The following OSBPL3 variants were observed in gnomAD, a reference collection of about 807,000 sequenced individuals.
OSBPL3 encodes oxysterol-binding protein-related protein 3.
A neutral mutation model predicts 120.1 loss-of-function variants in OSBPL3; 65 were observed. That is an observed-to-expected ratio of 0.54 (90% CI 0.44 to 0.67). The LOEUF is 0.67. Ranked by LOEUF, OSBPL3 falls within the 30% of genes least tolerant of loss-of-function variation. The pLI, the probability that OSBPL3 is intolerant of heterozygous loss-of-function variation, is 0.00. For synonymous variants in OSBPL3, 416 were observed against 402.6 expected (o/e 1.03, Z -0.40); for missense variants, 1,004 against 1,082.1 (o/e 0.93, Z 1.01).
chr7:24,918,520 C>T lies in OSBPL3; in HGVS notation c.-149-25899G>A, dbSNP rs1304358769. On this transcript the variant is annotated intron_variant, in intron 1 of 22. Coordinates refer to ENST00000313367, the MANE Select transcript of OSBPL3 (RefSeq NM_015550.4). This position sits in a 1 kb window ranked among gnomAD's most constrained non-coding sequence, Gnocchi z 4.3. ...CATGAAAATCTTGTGGAAAATACCT[C>T]ATAATTAAATATTCACACAACTGTT... Among the ~76,000 whole-genome samples the T allele has an allele frequency of 6.6e-6, 1 of 152,190 alleles. No individual in the cohort carries two copies. Among genetic ancestry groups the T allele is most frequent in the African/African-American group, 2.4e-5 (1 of 41,448 alleles).
intron 14 of OSBPL3, among the ~76,000 whole-genome samples, chr7:24,838,456 A>T (rs945869230): frequency 2.0e-5 from 3 of 152,198 alleles, no homozygotes; most frequent in African/African-American, 7.2e-5. Context: ...AGATCGCACC[A>T]CTGCACTCCA....
rs1195672568 is a variant in OSBPL3, at chr7:24,922,844, G to A, written c.-149-30223C>T. Among the ~76,000 whole-genome samples the A allele has an allele frequency of 2.9e-4, 44 of 152,038 alleles. No individual in the cohort carries two copies. Among genetic ancestry groups the A allele is most frequent in the Non-Finnish European group, 2.9e-5 (2 of 68,028 alleles). ...TGAAAGTGACAGACCACCCTCTCAGGGAGAACCACAGGGCTAATTCTGATT... is the reference window on the plus strand; with the variant it reads ...TGAAAGTGACAGACCACCCTCTCAGAGAGAACCACAGGGCTAATTCTGATT... On this transcript the variant is annotated intron_variant, in intron 1 of 22. Coordinates refer to ENST00000313367, the MANE Select transcript of OSBPL3 (RefSeq NM_015550.4). This position sits in a 1 kb window ranked among gnomAD's most constrained non-coding sequence, Gnocchi z 4.3.
chr7:24,962,668 C>T (rs1212481684), intron 1 of OSBPL3, among the ~76,000 whole-genome samples: 2 of 152,156 alleles, frequency 1.3e-5, no homozygotes, highest in Non-Finnish European at 2.9e-5. Flanking sequence ...ACAGAGAAAG[C>T]CTGCTTGAGA....
intron 14 of OSBPL3, among the ~76,000 whole-genome samples, chr7:24,838,133 G>C (rs1797242815): frequency 6.6e-6 from 1 of 152,104 alleles, no homozygotes; most frequent in South Asian, 2.1e-4. Flanking sequence ...AAGAACTAGG[G>C]GACACACATT....
chr7:24,929,300 G>A lies in OSBPL3; in HGVS notation c.-149-36679C>T, dbSNP rs576845052. Among the ~76,000 whole-genome samples the A allele has an allele frequency of 2.6e-4, 39 of 152,270 alleles. No individual in the cohort carries two copies. In the Middle Eastern group the frequency reaches 0.014, roughly 53 times the overall value. On this transcript the variant is annotated intron_variant, in intron 1 of 22. Coordinates refer to ENST00000313367, the MANE Select transcript of OSBPL3 (RefSeq NM_015550.4). ...AGGCAATGTGGTATACTGAAAGGTC[G>A]CTGGATCAGGGTCGTTGTCGTAAAT...
Position 24,922,933 on chromosome 7 carries a change from A to G in OSBPL3, c.-149-30312T>C, listed in dbSNP as rs571237573. 9.1e-4 allele frequency among the ~76,000 whole-genome samples: 76 copies of G among 83,412 alleles called. No individual in the cohort carries two copies. Among genetic ancestry groups the G allele is most frequent in the African/African-American group, 2.6e-3 (69 of 26,868 alleles). The allele number at this position is 83,412 out of a possible 152,430, so 54.7% of individuals were successfully genotyped here. A position where few individuals can be genotyped will look rare whatever the true frequency, so the allele number is the denominator to read the frequency against. On this transcript the variant is annotated intron_variant, in intron 1 of 22. Transcript: ENST00000313367. The surrounding 1 kb of genome is among the most constrained non-coding windows in gnomAD (Gnocchi z 4.3). ...CAAACAAAAAAGCAAGTTTGCTTACAGTTTTGGCAGTCGAAGAAAAAAAGG... is the reference window on the plus strand; with the variant it reads ...CAAACAAAAAAGCAAGTTTGCTTACGGTTTTGGCAGTCGAAGAAAAAAAGG...
chr7:24,804,303 C>T lies in OSBPL3; in HGVS notation c.2567+12G>A. 6.2e-7 allele frequency: 1 copy of T among 1,614,112 alleles called. No individual in the cohort carries two copies. On this transcript the variant is annotated intron_variant, in intron 22 of 22. Coordinates refer to ENST00000313367, the MANE Select transcript of OSBPL3 (RefSeq NM_015550.4). The surrounding 1 kb of genome is among the most constrained non-coding windows in gnomAD (Gnocchi z 5.4). ...CCTATCAACCAAAAACCTACTCAAT[C>T]CAGGCACGAACCTGAAAAACCGAGG...
intron 1 of OSBPL3, among the ~76,000 whole-genome samples, chr7:24,957,907 C>T (rs1461033066): frequency 1.3e-5 from 2 of 152,134 alleles, no homozygotes; most frequent in East Asian, 1.9e-4. Flanking sequence ...CTGTTTTACA[C>T]ATTCTTTTTT....
chr7:24,977,614 T>C (rs1484904081), intron 1 of OSBPL3, among the ~76,000 whole-genome samples: 1 of 152,156 alleles, frequency 6.6e-6, no homozygotes. Flanking sequence ...CCCAGCACTT[T>C]GGGAGGCCGA....
intron 1 of OSBPL3, among the ~76,000 whole-genome samples, chr7:24,923,300 C>A (rs1018415567): frequency 2.6e-5 from 4 of 152,062 alleles, no homozygotes; most frequent in African/African-American, 9.7e-5. Flanking sequence ...CAGCCTCTTC[C>A]ACTCTCAGGG....
chr7:24,800,748 C>A, intron 22 of OSBPL3, among the ~76,000 whole-genome samples: 1 of 151,956 alleles, frequency 6.6e-6, no homozygotes, highest in East Asian at 1.9e-4. Flanking sequence ...TGAGCCACCA[C>A]GCTGGCCCAT....
Position 24,820,324 on chromosome 7 carries a change from G to T in OSBPL3, c.1885-86C>A. On this transcript the variant is annotated intron_variant, in intron 16 of 22. Coordinates refer to ENST00000313367, the MANE Select transcript of OSBPL3 (RefSeq NM_015550.4). This position sits in a 1 kb window ranked among gnomAD's most constrained non-coding sequence, Gnocchi z 4.6. Reference sequence around the variant, plus strand: ...CATTCTTTCTCCCCTGCACTGAGATGTAACAGCGTGCAATGCTGAACTGAA... The same window carrying T: ...CATTCTTTCTCCCCTGCACTGAGATTTAACAGCGTGCAATGCTGAACTGAA... 1.0e-6 allele frequency: 1 copy of T among 982,204 alleles called. No homozygotes were observed. The highest frequency in any genetic ancestry group is 1.6e-6 in the Non-Finnish European group (1 of 626,060). The allele number at this position is 982,204 out of a possible 1,614,324, so 60.8% of individuals were successfully genotyped here. A position where few individuals can be genotyped will look rare whatever the true frequency, so the allele number is the denominator to read the frequency against.
rs974719176 is a variant in OSBPL3, at chr7:24,932,262, G to A, written c.-149-39641C>T. Among the ~76,000 whole-genome samples, 5 of 152,112 alleles carry A rather than the reference G, an allele frequency of 3.3e-5. No individual in the cohort carries two copies. The highest frequency in any genetic ancestry group is 1.2e-4 in the African/African-American group (5 of 41,414). On this transcript the variant is annotated intron_variant, in intron 1 of 22. Transcript: ENST00000313367. The surrounding 1 kb of genome is among the most constrained non-coding windows in gnomAD (Gnocchi z 5.6). ...ACTGGAATTTGAATGCAGGCATTTC[G>A]GACTGAAGATCACCTTTTTATCCAG...
intron 1 of OSBPL3, among the ~76,000 whole-genome samples, chr7:24,931,742 A>C (rs969678155): frequency 2.0e-5 from 3 of 152,150 alleles, no homozygotes; most frequent in Non-Finnish European, 4.4e-5. Flanking sequence ...CAACTAATAT[A>C]GTCTTTCCTA....
At position 24,953,758 on chromosome 7, in the gene OSBPL3, C is replaced by A. The variant is rs1422926280; in HGVS notation, c.-150+26128G>T. ...ACTCCAAGTCACTTAGATCAAGGCA[C>A]AACTGGAGCTCCATTTAATAAATGG... On this transcript the variant is annotated intron_variant, in intron 1 of 22. Coordinates refer to ENST00000313367, the MANE Select transcript of OSBPL3 (RefSeq NM_015550.4). This position sits in a 1 kb window ranked among gnomAD's most constrained non-coding sequence, Gnocchi z 4.3. Among the ~76,000 whole-genome samples, 1 of 152,176 alleles carries A rather than the reference C, an allele frequency of 6.6e-6. No homozygotes were observed. The highest frequency in any genetic ancestry group is 1.9e-4 in the East Asian group (1 of 5,192).
Position 24,803,418 on chromosome 7 carries a change from C to A in OSBPL3, c.2567+897G>T, listed in dbSNP as rs1222324469. Among the ~76,000 whole-genome samples, 2 of 152,152 alleles carry A rather than the reference C, an allele frequency of 1.3e-5. No homozygotes were observed. Among genetic ancestry groups the A allele is most frequent in the Non-Finnish European group, 1.5e-5 (1 of 68,022 alleles). On this transcript the variant is annotated intron_variant, in intron 22 of 22. Coordinates refer to ENST00000313367, the MANE Select transcript of OSBPL3 (RefSeq NM_015550.4). The surrounding 1 kb of genome is among the most constrained non-coding windows in gnomAD (Gnocchi z 4.2). ...AGATCCCCCACCTGCCTTGAGCTTTCTCTTCTACTCAGTTATAGGAGGAGA... is the reference window on the plus strand; with the variant it reads ...AGATCCCCCACCTGCCTTGAGCTTTATCTTCTACTCAGTTATAGGAGGAGA...
At chr7:24,949,626 C>T (rs761816197) in intron 1 of OSBPL3, among the ~76,000 whole-genome samples, 6 of 152,152 alleles carry the variant, frequency 3.9e-5, no homozygotes, top group Non-Finnish European at 7.3e-5. Flanking sequence ...ACAGCTCCCA[C>T]TAAAGACAGC....
In OSBPL3 at chr7:24,808,333, T is replaced by C. The variant is rs907062479; in HGVS notation, c.2318-1431A>G. On this transcript the variant is annotated intron_variant, in intron 20 of 22. Transcript: ENST00000313367. This position sits in a 1 kb window ranked among gnomAD's most constrained non-coding sequence, Gnocchi z 4.6. ...CTCCCCAGTAACCAGGGAGTGAAGA[T>C]AGTGCTTTTTCTTAAAGATGGGCCA... Among the ~76,000 whole-genome samples the C allele has an allele frequency of 6.6e-6, 1 of 151,628 alleles. No homozygotes were observed. The highest frequency in any genetic ancestry group is 2.4e-5 in the African/African-American group (1 of 40,916).
At position 24,968,689 on chromosome 7, in the gene OSBPL3, G is replaced by A. The variant is rs1584759069; in HGVS notation, c.-150+11197C>T. On this transcript the variant is annotated intron_variant, in intron 1 of 22. Transcript: ENST00000313367. The surrounding 1 kb of genome is among the most constrained non-coding windows in gnomAD (Gnocchi z 4.6). Reference sequence around the variant, plus strand: ...TAGGATTACAGGTGTGAGCCACGGCGCCAGCCTCAGCCCACCAATTTTATC... The same window carrying A: ...TAGGATTACAGGTGTGAGCCACGGCACCAGCCTCAGCCCACCAATTTTATC... Among the ~76,000 whole-genome samples, 3 of 152,194 alleles carry A rather than the reference G, an allele frequency of 2.0e-5. No homozygotes were observed. The highest frequency in any genetic ancestry group is 4.1e-4 in the South Asian group (2 of 4,832).
Sources: gnomAD v4.1 joint callset for allele counts (sites outside exome capture counted in the v4.1 genomes callset) on GRCh38, gnomAD v4.1.1 for gene constraint, Gnocchi (gnomAD v3.1) non-coding constraint, MANE v1.5 for transcripts, NCBI Gene and HGNC (gene_info 2026-07-23, HGNC 2026-07-21) for gene names.